The following ITPR1 variants were observed in gnomAD, a reference collection of about 807,000 sequenced individuals.
The protein encoded by ITPR1 is inositol 1,4,5-trisphosphate receptor type 1, also known as inositol 1,4,5-trisphosphate-gated calcium channel ITPR1.
In ITPR1, 96 loss-of-function variants were observed where a neutral mutation model predicts 318.4. The observed-to-expected ratio is 0.30, with a 90% confidence interval of 0.26 to 0.36. ITPR1 has a LOEUF of 0.36. ITPR1 is among the 10% of genes least tolerant of loss of function. ITPR1 has a pLI of 1.00. For synonymous variants in ITPR1, 1,312 were observed against 1,289.9 expected, an observed-to-expected ratio of 1.02 and a Z score of -0.37; for missense variants, 2,440 against 3,460.2, an observed-to-expected ratio of 0.71 and a Z score of 7.40.
chr3:4,519,205 C>T (rs927028768), intron 3 of ITPR1, among the ~76,000 whole-genome samples: 2 of 152,096 alleles, frequency 1.3e-5, no homozygotes, highest in African/African-American at 4.8e-5. Context: ...CACTTCCTCC[C>T]CATTTGAGAA....
At chr3:4,635,343 T>C (rs1286487410) in intron 5 of ITPR1, among the ~76,000 whole-genome samples, 1 of 152,052 alleles carries the variant, frequency 6.6e-6, no homozygotes, top group African/African-American at 2.4e-5. Context: ...TTCAATATCT[T>C]TCTTTTTTTG....
At chr3:4,513,491 T>A (rs2081979456) in intron 2 of ITPR1, among the ~76,000 whole-genome samples, 1 of 152,300 alleles carries the variant, frequency 6.6e-6, no homozygotes, top group East Asian at 1.9e-4. Context: ...CCTGGCAGAT[T>A]GCCCAGAGGA....
intron 4 of ITPR1, among the ~76,000 whole-genome samples, chr3:4,554,867 G>C (rs903611146): frequency 6.6e-6 from 1 of 152,044 alleles, no homozygotes; most frequent in African/African-American, 2.4e-5. Flanking sequence ...TGACAATCTG[G>C]GGAAAAAAGC....
Position 4,775,367 on chromosome 3 carries a change from A to G in ITPR1, c.6105A>G (p.Glu2035=). ...GLGLLGLYIN[E]KNVALINQTL... Reference sequence around the variant, plus strand: ...GTCTTCTGGGCTTGTATATAAATGAAAAGAATGTAGCGCTTATCAACCAAA... The same window carrying G: ...GTCTTCTGGGCTTGTATATAAATGAGAAGAATGTAGCGCTTATCAACCAAA... Residue 2035 remains glutamate, a synonymous_variant, in exon 47 of 62, where the codon GAA becomes GAG. Coordinates refer to ENST00000649015, the MANE Select transcript of ITPR1 (RefSeq NM_001378452.1). The G allele has an allele frequency of 5.0e-6, 8 of 1,613,810 alleles. No homozygotes were observed. The highest frequency in any genetic ancestry group is 6.8e-6 in the Non-Finnish European group (8 of 1,179,686).
intron 60 of ITPR1, among the ~76,000 whole-genome samples, chr3:4,835,333 G>T (rs147975226): frequency 6.6e-6 from 1 of 152,056 alleles, no homozygotes; most frequent in Non-Finnish European, 1.5e-5. Context: ...GCCTTCTATT[G>T]TATACAGCAG....
chr3:4,846,064 A>G (rs2051754405), intron 61 of ITPR1, 75 bp from the exon 62 acceptor site: 3 of 827,714 alleles, frequency 3.6e-6, no homozygotes, highest in African/African-American at 3.4e-5. Flanking sequence ...CCACAGAGGT[A>G]AATCTATGGT....
intron 12 of ITPR1, among the ~76,000 whole-genome samples, chr3:4,655,977 G>T (rs561890146): frequency 1.3e-5 from 2 of 152,142 alleles, no homozygotes; most frequent in Non-Finnish European, 2.9e-5. Flanking sequence ...TTTTTGAGTT[G>T]ATTGGTTTCC....
At chr3:4,807,073 GACTTACAAA>G (rs1372695306) in intron 55 of ITPR1, among the ~76,000 whole-genome samples, 6 of 129,914 alleles carry the variant, frequency 4.6e-5, no homozygotes, top group Admixed American at 1.8e-4. Context: ...CAAAGAGGGG[GACTTACAAA>G]GAGAGGGGGG....
intron 44 of ITPR1, among the ~76,000 whole-genome samples, chr3:4,751,838 G>C (rs2044550926): frequency 6.6e-6 from 1 of 152,202 alleles, no homozygotes; most frequent in South Asian, 2.1e-4. Context: ...CAGGGACAGT[G>C]AAGGCGCCTC....
intron 4 of ITPR1, among the ~76,000 whole-genome samples, chr3:4,590,614 G>A (rs1158642407): frequency 6.6e-6 from 1 of 151,536 alleles, no homozygotes; most frequent in African/African-American, 2.4e-5. Flanking sequence ...GGGACTCACT[G>A]TGTTGCCCAG....
intron 4 of ITPR1, among the ~76,000 whole-genome samples, chr3:4,583,925 A>G (rs1009723893): frequency 5.9e-5 from 9 of 152,196 alleles, no homozygotes; most frequent in African/African-American, 1.7e-4. Context: ...AGGTACTCAC[A>G]AAAGATGCTG....
intron 42 of ITPR1, among the ~76,000 whole-genome samples, chr3:4,728,698 A>G (rs191581486): frequency 2.0e-5 from 3 of 152,246 alleles, no homozygotes; most frequent in East Asian, 3.9e-4. Flanking sequence ...CATTTTTTGT[A>G]ACTATTTTTT....
At chr3:4,657,809 C>T (rs542470034) in intron 12 of ITPR1, among the ~76,000 whole-genome samples, 1 of 151,904 alleles carries the variant, frequency 6.6e-6, no homozygotes, top group East Asian at 1.9e-4. Context: ...GTTTCATTAT[C>T]TTGGCCAGGC....
intron 55 of ITPR1, among the ~76,000 whole-genome samples, chr3:4,808,365 C>G (rs566577863): frequency 6.6e-6 from 1 of 152,272 alleles, no homozygotes; most frequent in East Asian, 1.9e-4. Context: ...TTGACACTGC[C>G]TTTTATTCAA....
chr3:4,518,517 GGAAA>G (rs2082323976), intron 3 of ITPR1, among the ~76,000 whole-genome samples: 1 of 152,130 alleles, frequency 6.6e-6, no homozygotes, highest in African/African-American at 2.4e-5. Context: ...AAATGGGGTT[GGAAA>G]GAAAGTTTGA....
chr3:4,788,771 C>T (rs1457447523), intron 52 of ITPR1, among the ~76,000 whole-genome samples: 2 of 152,194 alleles, frequency 1.3e-5, no homozygotes, highest in African/African-American at 2.4e-5. Context: ...TCAGTACCAG[C>T]CTTGTGCTTG....
chr3:4,553,262 C>T (rs1222699370), intron 4 of ITPR1, among the ~76,000 whole-genome samples: 1 of 152,062 alleles, frequency 6.6e-6, no homozygotes, highest in Admixed American at 6.5e-5. Flanking sequence ...AGGGGTGGGA[C>T]ATTTTTCTAC....
chr3:4,812,785 T>C (rs2049024556), intron 56 of ITPR1, among the ~76,000 whole-genome samples: 1 of 152,212 alleles, frequency 6.6e-6, no homozygotes, highest in Non-Finnish European at 1.5e-5. Flanking sequence ...GCCTGGACCT[T>C]GGATTTCTAT....
rs773363106 is a variant in ITPR1 at position 4,836,898 on chromosome 3, C to G, written c.8153C>G (p.Thr2718Arg). The part of the protein sequence containing the change: ...EKLESTMKLV[T>R]NLSGQLSELK... Reference sequence around the variant, plus strand: ...CTGGAGTCCACCATGAAACTTGTCACGAACCTTTCTGGCCAGCTGTCGGAA... The same window carrying G: ...CTGGAGTCCACCATGAAACTTGTCAGGAACCTTTCTGGCCAGCTGTCGGAA... Residue 2718 changes from threonine to arginine, a missense_variant, in exon 61 of 62, where the codon ACG (threonine) becomes AGG (arginine). Transcript: ENST00000649015. 4 of 1,596,158 alleles carry G rather than the reference C, an allele frequency of 2.5e-6. No homozygotes were observed. Among genetic ancestry groups the G allele is most frequent in the Non-Finnish European group, 3.4e-6 (4 of 1,167,092 alleles).
Sources: gnomAD v4.1 joint callset for allele counts (sites outside exome capture counted in the v4.1 genomes callset) on GRCh38, gnomAD v4.1.1 for gene constraint, MANE v1.5 for transcripts, NCBI Gene and HGNC (gene_info 2026-07-23, HGNC 2026-07-21) for gene names.